The following FMN2 variants were observed in gnomAD, a reference collection of about 807,000 sequenced individuals.
FMN2 encodes formin-2.
A neutral mutation model predicts 142.3 loss-of-function variants in FMN2; 51 were observed. That is an observed-to-expected ratio of 0.36 (90% CI 0.29 to 0.45). The LOEUF is 0.45. FMN2 is among the 20% of genes least tolerant of loss of function. The probability of loss-of-function intolerance (pLI) is 1.00; values close to 1 mark genes in which losing one functional copy is unlikely to be tolerated. For missense variants in FMN2, 1,936 were observed against 2,122.8 expected (o/e 0.91, Z 1.73); for synonymous variants, 882 against 869.8 (o/e 1.01, Z -0.25).
intron 8 of FMN2, among the ~76,000 whole-genome samples, chr1:240,302,847 A>G (rs1340049644): frequency 1.3e-5 from 2 of 152,214 alleles, no homozygotes; most frequent in Middle Eastern, 6.8e-3. Flanking sequence ...TAATAATTAG[A>G]GTTTCAAGCT....
intron 7 of FMN2, among the ~76,000 whole-genome samples, chr1:240,294,242 C>T (rs942894126): frequency 2.0e-5 from 3 of 152,110 alleles, no homozygotes; most frequent in South Asian, 2.1e-4. Context: ...CTGCTTCTTC[C>T]TTGTATAACC....
intron 14 of FMN2, among the ~76,000 whole-genome samples, chr1:240,388,749 C>T (rs576065883): frequency 1.3e-5 from 2 of 151,668 alleles, no homozygotes; most frequent in East Asian, 3.9e-4. Flanking sequence ...GTAATCCCAA[C>T]TACTCGGGAG....
At chr1:240,363,060 G>A (rs182830283) in intron 14 of FMN2, among the ~76,000 whole-genome samples, 69 of 152,322 alleles carry the variant, frequency 4.5e-4, no homozygotes, top group African/African-American at 1.4e-3. Context: ...TGTAGTATTG[G>A]TAATGCTATA....
At chr1:240,094,394 T>C (rs990437761) in intron 1 of FMN2, among the ~76,000 whole-genome samples, 2 of 152,228 alleles carry the variant, frequency 1.3e-5, no homozygotes, top group African/African-American at 4.8e-5. Flanking sequence ...TTCAGTTTCA[T>C]GGTCCAGCCC....
intron 2 of FMN2, among the ~76,000 whole-genome samples, chr1:240,138,167 C>T (rs535975262): frequency 3.3e-5 from 5 of 151,740 alleles, no homozygotes; most frequent in Non-Finnish European, 7.4e-5. Flanking sequence ...GAAGTGAACC[C>T]TATTCTCAGG....
chr1:240,214,166 A>G (rs1666797088), intron 6 of FMN2, among the ~76,000 whole-genome samples: 2 of 152,250 alleles, frequency 1.3e-5, no homozygotes, highest in African/African-American at 2.4e-5. Flanking sequence ...ATAGTTTGAC[A>G]TAGTTTTTCA....
intron 2 of FMN2, chr1:240,144,901 A>G (rs1663372967): frequency 7.2e-7 from 1 of 1,379,998 alleles, no homozygotes; most frequent in South Asian, 1.2e-5. Flanking sequence ...GGTGCCTGAT[A>G]TACTCATGAC....
chr1:240,127,106 G>A (rs981213983), intron 2 of FMN2, among the ~76,000 whole-genome samples: 9 of 151,756 alleles, frequency 5.9e-5, no homozygotes, highest in South Asian at 2.1e-4. Context: ...CTGGAAAGCC[G>A]TGGAAGGAAT....
intron 15 of FMN2, chr1:240,400,567 G>C (rs972327930): frequency 1.3e-5 from 2 of 152,224 alleles, no homozygotes; most frequent in Non-Finnish European, 2.9e-5. Context: ...TGGCTGGTAG[G>C]CTGCCTCCTC....
chr1:240,128,494 G>A (rs188031273), intron 2 of FMN2, among the ~76,000 whole-genome samples: 2 of 152,244 alleles, frequency 1.3e-5, no homozygotes, highest in East Asian at 3.9e-4. Flanking sequence ...ATCTTTAAAT[G>A]TCTGCCTAGC....
intron 15 of FMN2, among the ~76,000 whole-genome samples, chr1:240,409,976 T>C (rs1255293805): frequency 6.6e-6 from 1 of 152,194 alleles, no homozygotes; most frequent in Non-Finnish European, 1.5e-5. Flanking sequence ...CACACTTTAG[T>C]ACTCTTTTGA....
chr1:240,457,751 A>G (rs983475825), intron 16 of FMN2: 24 of 152,342 alleles, frequency 1.6e-4, no homozygotes, highest in African/African-American at 5.5e-4. Context: ...GAGCATGTTT[A>G]GTCAAGTGCC....
chr1:240,457,654 G>T (rs1487800562), intron 16 of FMN2: 1 of 152,214 alleles, frequency 6.6e-6, no homozygotes, highest in Admixed American at 6.5e-5. Context: ...TCTAAGCAGG[G>T]ACTCGGAGAT....
chr1:240,351,744 T>A (rs1672102450), intron 13 of FMN2, among the ~76,000 whole-genome samples: 1 of 152,184 alleles, frequency 6.6e-6, no homozygotes, highest in African/African-American at 2.4e-5. Flanking sequence ...CAGTCTGTGA[T>A]CTTTCTCTAC....
intron 16 of FMN2, among the ~76,000 whole-genome samples, chr1:240,450,625 G>T (rs1332165170): frequency 6.6e-6 from 1 of 152,186 alleles, no homozygotes; most frequent in East Asian, 1.9e-4. Flanking sequence ...CAGCAGTGAG[G>T]CTGGCACCCG....
chr1:240,302,661 A>G (rs1361205611), intron 8 of FMN2, among the ~76,000 whole-genome samples: 1 of 152,076 alleles, frequency 6.6e-6, no homozygotes, highest in Non-Finnish European at 1.5e-5. Context: ...GCAATATCTA[A>G]TATAATTAGT....
rs116361867 is a variant in FMN2, at chr1:240,292,645, A to G, written c.4154-2177A>G. Among the ~76,000 whole-genome samples, 508 of 152,314 alleles carry G rather than the reference A, an allele frequency of 3.3e-3. 2 individuals are homozygous for G. Among genetic ancestry groups the G allele is most frequent in the African/African-American group, 0.012 (494 of 41,582 alleles). On this transcript the variant is annotated intron_variant, in intron 7 of 17. Coordinates refer to ENST00000319653, the MANE Select transcript of FMN2 (RefSeq NM_020066.5). ...CCAAATCACAGATTTTAAGGAAGGG[A>G]GAAATGGAAGATGCTACTAAACGTC...
At chr1:240,426,776 C>T (rs1221398659) in intron 15 of FMN2, among the ~76,000 whole-genome samples, 1 of 152,130 alleles carries the variant, frequency 6.6e-6, no homozygotes, top group Non-Finnish European at 1.5e-5. Flanking sequence ...TGCTCTGTCA[C>T]CCAGGATGGA....
At chr1:240,141,686 A>C (rs1663190760) in intron 2 of FMN2, among the ~76,000 whole-genome samples, 2 of 152,274 alleles carry the variant, frequency 1.3e-5, no homozygotes, top group South Asian at 4.1e-4. Context: ...TTTAAACATC[A>C]TGGTGAAATG....
Sources: allele counts gnomAD v4.1 joint callset (sites outside exome capture counted in the v4.1 genomes callset), GRCh38; gene constraint gnomAD v4.1.1; transcripts MANE v1.5; gene names NCBI Gene and HGNC (gene_info 2026-07-23, HGNC 2026-07-21).